The following RNF214 variants were observed in gnomAD, a reference collection of about 807,000 sequenced individuals.
The protein encoded by RNF214 is ring finger protein 214.
Under a neutral mutation model 75.9 loss-of-function variants are expected in RNF214, and 25 were observed. The ratio of observed to expected loss-of-function variants is 0.33; its 90% CI spans 0.24 to 0.46. The LOEUF is 0.46. Among genes scored for constraint, RNF214 ranks in the 20% least tolerant of loss-of-function variants. The pLI is 1.00. For synonymous variants in RNF214, 314 were observed against 308.8 expected (o/e 1.02, Z -0.18); for missense variants, 725 against 857.5 (o/e 0.85, Z 1.93).
intron 2 of RNF214, among the ~76,000 whole-genome samples, chr11:117,237,984 AAATT>A (rs1457423922): frequency 6.6e-6 from 1 of 152,244 alleles, no homozygotes; most frequent in African/African-American, 2.4e-5. Context: ...ATGTATAACT[AAATT>A]AATACATGTA....
chr11:117,269,129 G>A (rs1355460739), intron 6 of RNF214, among the ~76,000 whole-genome samples: 2 of 152,126 alleles, frequency 1.3e-5, no homozygotes, highest in Non-Finnish European at 2.9e-5. Context: ...CAAATGCTGG[G>A]TGCAGTTGCT....
intron 6 of RNF214, among the ~76,000 whole-genome samples, chr11:117,271,755 A>G (rs968397492): frequency 5.9e-5 from 9 of 152,174 alleles, no homozygotes; most frequent in African/African-American, 2.2e-4. Flanking sequence ...GAAGGGTTGG[A>G]ATGGTGATTA....
chr11:117,281,435 AGTGTTAGTCT>A, intron 9 of RNF214, 31 bp downstream of exon 9: 1 of 1,550,714 alleles, frequency 6.4e-7, no homozygotes, highest in Non-Finnish European at 8.9e-7. Context: ...TCATTCAGTC[AGTGTTAGTCT>A]GTGCTTAACA....
chr11:117,258,267 C>T (rs1292523003), intron 6 of RNF214, among the ~76,000 whole-genome samples: 1 of 152,054 alleles, frequency 6.6e-6, no homozygotes, highest in Non-Finnish European at 1.5e-5. Flanking sequence ...TGGGGTTTCA[C>T]CATGTTGGCC....
Position 117,246,867 on chromosome 11 carries a change from T to C in RNF214, c.878T>C (p.Ile293Thr), listed in dbSNP as rs775958191. ...AAGCGGGAAGAAACAAAGAAGAAGA[T>C]AGAGAAAGAGAAGAAGGAGTTTTTG... Reference protein sequence around the residue: ...TIKREETKKKIEKEKKEFLQK... With the variant: ...TIKREETKKKTEKEKKEFLQK... Residue 293 changes from isoleucine to threonine, a missense_variant, in exon 6 of 15, where the codon ATA (isoleucine) becomes ACA (threonine). Around this residue, in one of 2 missense-constraint regions of RNF214, gnomAD observed 362 missense variants for 344.5 expected, o/e 1.05. Coordinates refer to ENST00000300650, the MANE Select transcript of RNF214 (RefSeq NM_207343.4). 1.9e-5 allele frequency: 31 copies of C among 1,612,804 alleles called. No individual in the cohort carries two copies. In the South Asian group the frequency reaches 2.1e-4, roughly 11 times the overall value.
At chr11:117,245,333 T>C (rs2033188728) in intron 5 of RNF214, among the ~76,000 whole-genome samples, 1 of 150,140 alleles carries the variant, frequency 6.7e-6, no homozygotes, top group South Asian at 2.1e-4. Context: ...AAAGTATTAA[T>C]ACTCATAGAC....
chr11:117,279,709 T>C (rs967886920), intron 6 of RNF214, among the ~76,000 whole-genome samples, 199 bp from the exon 7 acceptor site: 1 of 152,244 alleles, frequency 6.6e-6, no homozygotes, highest in African/African-American at 2.4e-5. Flanking sequence ...TGTCTGTATC[T>C]ATATTTGATA....
chr11:117,240,995 A>G (rs532321397), intron 4 of RNF214, among the ~76,000 whole-genome samples: 83 of 151,528 alleles, frequency 5.5e-4, no homozygotes, highest in Non-Finnish European at 1.1e-3. Flanking sequence ...CCTGGGCAAC[A>G]TGGCGAAACC....
chr11:117,234,423 G>C, intron 2 of RNF214, 44 bp downstream of exon 2: 3 of 1,402,310 alleles, frequency 2.1e-6, no homozygotes, highest in Non-Finnish European at 3.0e-6. Flanking sequence ...TTGGGTAAAG[G>C]GTTTTTGAGA....
At chr11:117,247,088 C>T in intron 6 of RNF214, 140 bp downstream of exon 6, 1 of 641,816 alleles carries the variant, frequency 1.6e-6, no homozygotes, top group East Asian at 2.9e-5. Context: ...TCTCCAATGA[C>T]TTTAGCTTTT....
chr11:117,248,078 T>C lies in RNF214; in HGVS notation c.959+1130T>C, dbSNP rs535353470. Among the ~76,000 whole-genome samples the C allele has an allele frequency of 2.6e-5, 4 of 152,008 alleles. No homozygotes were observed. The South Asian group carries it at 8.3e-4, about 32-fold the overall frequency. On this transcript the variant is annotated intron_variant, in intron 6 of 14. Transcript: ENST00000300650. ...TCAGCTTCTCAATTTTCTAAGTTTC[T>C]TTTTTTTCTTTTTTTGAGACGGAGT...
intron 6 of RNF214, among the ~76,000 whole-genome samples, chr11:117,275,640 T>G (rs1003188392): frequency 2.6e-5 from 4 of 152,090 alleles, no homozygotes; most frequent in African/African-American, 9.7e-5. Flanking sequence ...AAAACCTAGA[T>G]GAACTGGATA....
chr11:117,243,076 A>C (rs555572737), intron 4 of RNF214, among the ~76,000 whole-genome samples: 1 of 152,266 alleles, frequency 6.6e-6, no homozygotes, highest in Non-Finnish European at 1.5e-5. Context: ...ATTTCAGTAC[A>C]TGGACTAAAG....
chr11:117,284,661 G>A (rs1165106510), intron 14 of RNF214, among the ~76,000 whole-genome samples: 1 of 152,174 alleles, frequency 6.6e-6, no homozygotes, highest in East Asian at 1.9e-4. Context: ...CAGGCGCGGT[G>A]GCTCACACCT....
chr11:117,267,097 C>T (rs1336100386), intron 6 of RNF214, among the ~76,000 whole-genome samples: 1 of 151,970 alleles, frequency 6.6e-6, no homozygotes, highest in African/African-American at 2.4e-5. Flanking sequence ...TCATATCAGC[C>T]TCCAGAGTAT....
At chr11:117,254,208 C>T (rs920786082) in intron 6 of RNF214, among the ~76,000 whole-genome samples, 2 of 151,810 alleles carry the variant, frequency 1.3e-5, no homozygotes, top group Non-Finnish European at 2.9e-5. Context: ...GAGATCGCGC[C>T]ACTGAACTCC....
chr11:117,266,979 A>G (rs1347839757), intron 6 of RNF214, among the ~76,000 whole-genome samples: 1 of 150,402 alleles, frequency 6.6e-6, no homozygotes, highest in Non-Finnish European at 1.5e-5. Flanking sequence ...CTCACAAAAA[A>G]AAAAAAAAAA....
intron 14 of RNF214, 31 bp downstream of exon 14, chr11:117,283,241 C>A: frequency 7.1e-7 from 1 of 1,402,490 alleles, no homozygotes; most frequent in South Asian, 1.2e-5. Context: ...TCATTTTCTA[C>A]ACTTTTTCTT....
intron 6 of RNF214, among the ~76,000 whole-genome samples, chr11:117,255,291 A>G (rs1188674213): frequency 1.3e-5 from 2 of 152,110 alleles, no homozygotes; most frequent in Non-Finnish European, 2.9e-5. Flanking sequence ...ATCTGAGTCT[A>G]TAATTCTACC....
Sources: allele counts gnomAD v4.1 joint callset (sites outside exome capture counted in the v4.1 genomes callset), GRCh38; gene constraint gnomAD v4.1.1; regional missense constraint gnomAD v4.1.1; transcripts MANE v1.5; gene names NCBI Gene and HGNC (gene_info 2026-07-23, HGNC 2026-07-21).